GLYATL1: variants seen among roughly 807,000 people sequenced by gnomAD.
The protein encoded by GLYATL1 is glycine N-acyltransferase-like protein 1.
In GLYATL1, 15 loss-of-function variants were observed where a neutral mutation model predicts 20.0. The ratio of observed to expected loss-of-function variants is 0.75; its 90% CI spans 0.50 to 1.15. The LOEUF (loss-of-function observed/expected upper bound fraction) is 1.15. Among genes scored for constraint, GLYATL1 ranks in the 50% most tolerant of loss-of-function variants. The pLI is 0.00. For missense variants in GLYATL1, 380 were observed against 368.5 expected, an observed-to-expected ratio of 1.03 and a Z score of -0.26; for synonymous variants, 151 against 131.5, an observed-to-expected ratio of 1.15 and a Z score of -1.01.
At chr11:58,927,544 A>C (rs1220337365), upstream of GLYATL1, 2 of 152,120 alleles carry the variant, frequency 1.3e-5, no homozygotes, top group Non-Finnish European at 2.9e-5. Flanking sequence ...ACTTTGTTGT[A>C]TGTGCCTCTC....
At chr11:58,953,266 G>A (rs1198772931) in intron 4 of GLYATL1, among the ~76,000 whole-genome samples, 1 of 152,046 alleles carries the variant, frequency 6.6e-6, no homozygotes, top group Non-Finnish European at 1.5e-5. Context: ...GTTTATTCTT[G>A]AGGGATAACA....
At chr11:58,933,376 G>C (rs1024271971) in intron 1 of GLYATL1, among the ~76,000 whole-genome samples, 1 of 152,132 alleles carries the variant, frequency 6.6e-6, no homozygotes, top group African/African-American at 2.4e-5. Context: ...CCTACTAAAT[G>C]ATCCAAGCCC....
chr11:58,955,583 T>A lies in GLYATL1; in HGVS notation c.492-27T>A, dbSNP rs766862299. The A allele has an allele frequency of 1.3e-5, 21 of 1,604,752 alleles. No individual in the cohort carries two copies. The East Asian group carries it at 4.7e-4, about 36-fold the overall frequency. On this transcript the variant is annotated intron_variant, in intron 6 of 6. Coordinates refer to ENST00000532726, the MANE Select transcript of GLYATL1 (RefSeq NM_001389712.2). Reference sequence around the variant, plus strand: ...AAATTACAGGATTGGGGATGAAAGTTGTTGTCTTTCTTTTTGTTGTCTACA... The same window carrying A: ...AAATTACAGGATTGGGGATGAAAGTAGTTGTCTTTCTTTTTGTTGTCTACA...
At chr11:58,950,490 A>G (rs1590807727) in intron 4 of GLYATL1, among the ~76,000 whole-genome samples, 1 of 152,186 alleles carries the variant, frequency 6.6e-6, no homozygotes, top group East Asian at 1.9e-4. Context: ...GTTGGGTTCA[A>G]ACTGTTCATA....
At chr11:58,944,341 T>G (rs1337697848) in intron 2 of GLYATL1, among the ~76,000 whole-genome samples, 1 of 152,226 alleles carries the variant, frequency 6.6e-6, no homozygotes, top group Admixed American at 6.5e-5. Context: ...GGTGACAGGA[T>G]GAGGCATGTA....
chr11:58,909,476 T>C (rs1043653711), downstream of GLYATL1, among the ~76,000 whole-genome samples: 4 of 152,206 alleles, frequency 2.6e-5, no homozygotes, highest in Non-Finnish European at 4.4e-5. Flanking sequence ...CTGGTGATAA[T>C]GTATCTCCAC....
intron 1 of GLYATL1, among the ~76,000 whole-genome samples, chr11:58,940,117 C>T (rs1356572891): frequency 1.3e-5 from 2 of 152,110 alleles, no homozygotes; most frequent in Non-Finnish European, 2.9e-5. Flanking sequence ...CTGGTATTTG[C>T]CCTTGAATGG....
intron 1 of GLYATL1, among the ~76,000 whole-genome samples, chr11:58,932,045 G>A (rs957540958): frequency 7.3e-6 from 1 of 136,910 alleles, no homozygotes; most frequent in South Asian, 2.4e-4. Flanking sequence ...CCGGGATGTG[G>A]AGGTTGCAGT....
chr11:58,922,443 C>T (rs915253092), intron 1 of GLYATL1, among the ~76,000 whole-genome samples: 6 of 151,126 alleles, frequency 4.0e-5, no homozygotes, highest in Admixed American at 6.5e-5. Flanking sequence ...TAGGTGGGTC[C>T]TCTTCTTTCC....
At chr11:58,952,391 G>T (rs571770402) in intron 4 of GLYATL1, among the ~76,000 whole-genome samples, 66 of 152,142 alleles carry the variant, frequency 4.3e-4, no homozygotes, top group Non-Finnish European at 7.7e-4. Context: ...GTATCTGCAT[G>T]CATAAGGGAA....
At chr11:58,948,735 C>T (rs1227661316) in intron 4 of GLYATL1, among the ~76,000 whole-genome samples, 3 of 152,154 alleles carry the variant, frequency 2.0e-5, no homozygotes, top group South Asian at 2.1e-4. Flanking sequence ...GCACTTCTCT[C>T]GTTAGTGAAT....
chr11:58,915,871 G>A (rs1030977340), intron 1 of GLYATL1, among the ~76,000 whole-genome samples: 1 of 152,112 alleles, frequency 6.6e-6, no homozygotes, highest in African/African-American at 2.4e-5. Flanking sequence ...CTCAGTGGGA[G>A]ATGCACACAC....
chr11:58,925,811 C>G (rs941022169), upstream of GLYATL1, among the ~76,000 whole-genome samples: 1 of 152,058 alleles, frequency 6.6e-6, no homozygotes. Context: ...GGGTCTTTAC[C>G]TATATTCCCC....
At chr11:58,948,075 T>C (rs2135229877) in intron 4 of GLYATL1, 110 bp downstream of exon 4, 1 of 725,586 alleles carries the variant, frequency 1.4e-6, no homozygotes, top group East Asian at 2.6e-5. Context: ...AACGTGAGTA[T>C]TTTAAAACAC....
At chr11:58,922,452 C>A (rs1855331822) in intron 1 of GLYATL1, among the ~76,000 whole-genome samples, 1 of 150,810 alleles carries the variant, frequency 6.6e-6, no homozygotes, top group South Asian at 2.1e-4. Context: ...CCTCTTCTTT[C>A]CCTGAGAGGC....
upstream of GLYATL1, among the ~76,000 whole-genome samples, chr11:58,926,423 C>T (rs934535561): frequency 3.9e-5 from 6 of 152,060 alleles, no homozygotes; most frequent in African/African-American, 9.7e-5. Flanking sequence ...CAGCAATTGC[C>T]GAAGTCAGAA....
Position 58,954,751 on chromosome 11 carries a change from C to T in GLYATL1, c.187-19C>T, listed in dbSNP as rs938640561. ...AAAAAGTTCAAGGGAATGACCTGAT[C>T]TTATATCATCCAATACAGGAGATGA... On this transcript the variant is annotated intron_variant, in intron 4 of 6. Coordinates refer to ENST00000532726, the MANE Select transcript of GLYATL1 (RefSeq NM_001389712.2). The T allele has an allele frequency of 2.5e-6, 4 of 1,579,428 alleles. No individual in the cohort carries two copies. Among genetic ancestry groups the T allele is most frequent in the African/African-American group, 1.4e-5 (1 of 72,746 alleles).
At chr11:58,906,336 C>T (rs1854883775) in intron 1 of GLYATL1, among the ~76,000 whole-genome samples, 3 of 152,188 alleles carry the variant, frequency 2.0e-5, no homozygotes. Context: ...TCAAGAGTGT[C>T]GTTTGACCCT....
At chr11:58,941,632 G>T (rs927078285) in intron 1 of GLYATL1, among the ~76,000 whole-genome samples, 3 of 152,164 alleles carry the variant, frequency 2.0e-5, no homozygotes, top group African/African-American at 7.2e-5. Context: ...TGGCTTTTAG[G>T]TGAAGACTTA....
Sources: allele counts gnomAD v4.1 joint callset (sites outside exome capture counted in the v4.1 genomes callset), GRCh38; gene constraint gnomAD v4.1.1; transcripts MANE v1.5; gene names NCBI Gene and HGNC (gene_info 2026-07-23, HGNC 2026-07-21).